RASGRF1: variants seen among roughly 807,000 people sequenced by gnomAD.
RASGRF1 encodes ras-specific guanine nucleotide-releasing factor 1.
Under a neutral mutation model 138.7 loss-of-function variants are expected in RASGRF1, and 40 were observed. That is an observed-to-expected ratio of 0.29 (90% CI 0.22 to 0.38). The LOEUF is 0.38. Among genes scored for constraint, RASGRF1 ranks in the 10% least tolerant of loss-of-function variants. The pLI is 1.00. For synonymous variants in RASGRF1, 614 were observed against 663.2 expected, an observed-to-expected ratio of 0.93 and a Z score of 1.14; for missense variants, 1,108 against 1,650.4, an observed-to-expected ratio of 0.67 and a Z score of 5.69.
chr15:78,972,249 C>G (rs898255074), intron 25 of RASGRF1, among the ~76,000 whole-genome samples: 4 of 152,020 alleles, frequency 2.6e-5, no homozygotes, highest in Non-Finnish European at 5.9e-5. Flanking sequence ...GTGCATGCCA[C>G]CACGCCCGGC....
chr15:79,023,723 G>A (rs1399891332), intron 10 of RASGRF1, among the ~76,000 whole-genome samples: 6 of 152,148 alleles, frequency 3.9e-5, no homozygotes, highest in Non-Finnish European at 8.8e-5. Context: ...GGGCCGCAAG[G>A]TCCTGAGGCT....
At chr15:78,975,046 T>C (rs1318789442) in intron 24 of RASGRF1, among the ~76,000 whole-genome samples, 1 of 152,208 alleles carries the variant, frequency 6.6e-6, no homozygotes, top group African/African-American at 2.4e-5. Flanking sequence ...GCTGACCCTT[T>C]CATGGGTGTT....
chr15:79,004,063 T>C lies in RASGRF1; in HGVS notation c.2188A>G (p.Thr730Ala), dbSNP rs199930657. The C allele has an allele frequency of 1.3e-4, 210 of 1,613,790 alleles. 1 individual carries two copies. Among genetic ancestry groups the C allele is most frequent in the Non-Finnish European group, 7.7e-5 (91 of 1,179,986 alleles). ...CGGCGGCTCGGTGACGATGTCTTGGTGATGGACAGAGGTGGCGGCGAGGAG... is the reference window on the plus strand; with the variant it reads ...CGGCGGCTCGGTGACGATGTCTTGGCGATGGACAGAGGTGGCGGCGAGGAG... The part of the protein sequence containing the change: ...KFSSPPPLSI[T>A]KTSSPSRRRK... The change falls in exon 15 of 27, where the codon ACC (threonine) becomes GCC (alanine). Residue 730 changes from threonine to alanine, a missense_variant. By Grantham distance (58) the Thr-to-Ala change is moderately conservative. Transcript: ENST00000558480.
At chr15:79,014,925 A>C (rs564632669) in intron 13 of RASGRF1, among the ~76,000 whole-genome samples, 7 of 24,042 alleles carry the variant, frequency 2.9e-4, no homozygotes, top group African/African-American at 4.1e-4. Flanking sequence ...TCAAAAAAAC[A>C]AAAAACAAAA....
chr15:79,059,487 TCA>T (rs538800334), intron 2 of RASGRF1, among the ~76,000 whole-genome samples: 44 of 150,698 alleles, frequency 2.9e-4, no homozygotes, highest in Admixed American at 1.3e-3. Flanking sequence ...CTTTACAGAC[TCA>T]CAGACTCTCA....
At chr15:78,962,306 T>A in intron 26 of RASGRF1, 70 bp from the exon 27 acceptor site, 1 of 1,143,416 alleles carries the variant, frequency 8.7e-7, no homozygotes, top group Non-Finnish European at 1.3e-6. Context: ...GTGGATGCAC[T>A]TTATCTCCTA....
Position 79,032,559 on chromosome 15 carries a change from C to G in RASGRF1, c.959-243G>C, listed in dbSNP as rs958105523. 1.3e-5 allele frequency among the ~76,000 whole-genome samples: 2 copies of G among 152,184 alleles called. No homozygotes were observed. The highest frequency in any genetic ancestry group is 4.8e-5 in the African/African-American group (2 of 41,444). ...GACTCTTAGAGACGTGGGGCCCTGT[C>G]TAGTCGACACTTGTGATGGGAGTGT... is the stretch of plus-strand genomic sequence containing the variant. On this transcript the variant is annotated intron_variant, in intron 6 of 26. Transcript: ENST00000558480. This position sits in a 1 kb window ranked among gnomAD's most constrained non-coding sequence, Gnocchi z 4.5.
At position 78,998,668 on chromosome 15, in the gene RASGRF1, G is replaced by T. The variant is rs1486687034; in HGVS notation, c.2853+51C>A. On this transcript the variant is annotated intron_variant, in intron 18 of 26. Coordinates refer to ENST00000558480, the MANE Select transcript of RASGRF1 (RefSeq NM_001145648.3). ...TTTTGGAAGGCAGCTGGTTCCTGGG[G>T]CCATTGCCTGGTGGTCCCCAGCAGC... 2.1e-6 allele frequency: 3 copies of T among 1,458,216 alleles called. No individual in the cohort carries two copies. In the African/African-American group the frequency reaches 4.2e-5, roughly 20 times the overall value. 90.3% of individuals were successfully genotyped at this position (1,458,216 alleles called of 1,614,324 possible). A position where few individuals can be genotyped will look rare whatever the true frequency, so the allele number is the denominator to read the frequency against.
At chr15:79,009,020 C>G (rs2056741366) in intron 13 of RASGRF1, among the ~76,000 whole-genome samples, 1 of 152,174 alleles carries the variant, frequency 6.6e-6, no homozygotes, top group African/African-American at 2.4e-5. Context: ...CCTCTGTCAT[C>G]TCTAACCAGA....
intron 5 of RASGRF1, among the ~76,000 whole-genome samples, chr15:79,042,407 A>ACT (rs2057308333): frequency 6.6e-6 from 1 of 152,240 alleles, no homozygotes; most frequent in Non-Finnish European, 1.5e-5. Context: ...GGTCTGAGGC[A>ACT]GGGAGAGCAG....
rs2057412674 is a variant in RASGRF1 at position 79,050,290 on chromosome 15, G to A, written c.532-702C>T. Among the ~76,000 whole-genome samples the A allele has an allele frequency of 1.3e-5, 2 of 152,190 alleles. No homozygotes were observed. The highest frequency in any genetic ancestry group is 6.5e-5 in the Admixed American group (1 of 15,282). ...ACCGGCTTATTTCATGGTGCATAAT[G>A]TCCTCAAGTTTCTTCCATGTTGCAG... On this transcript the variant is annotated intron_variant, in intron 3 of 26. Coordinates refer to ENST00000558480, the MANE Select transcript of RASGRF1 (RefSeq NM_001145648.3). The surrounding 1 kb of genome is among the most constrained non-coding windows in gnomAD (Gnocchi z 4.1).
chr15:78,991,580 G>T, intron 21 of RASGRF1, 111 bp downstream of exon 21: 1 of 822,556 alleles, frequency 1.2e-6, no homozygotes. Flanking sequence ...ATTGTTTCAA[G>T]CTGTGGAGGG....
intron 1 of RASGRF1, among the ~76,000 whole-genome samples, chr15:79,069,695 G>C (rs1330118787): frequency 6.6e-6 from 1 of 152,194 alleles, no homozygotes; most frequent in Non-Finnish European, 1.5e-5. Flanking sequence ...AGTAAGGGAA[G>C]TCAAAGATTT....
rs113957070 is a variant in RASGRF1, at chr15:79,025,392, G to A, written c.1464C>T (p.Gly488=). 71 of 1,613,838 alleles carry A rather than the reference G, an allele frequency of 4.4e-5. No individual in the cohort carries two copies. Among genetic ancestry groups the A allele is most frequent in the Non-Finnish European group, 5.4e-5 (64 of 1,179,934 alleles). The change falls in exon 10 of 27, where the codon GGC becomes GGT. Residue 488 remains glycine (G), a synonymous_variant. Transcript: ENST00000558480. ...RLGSLSLKKE[G]ERQCFLFSKH... ...TAGAAAACAGGAAGCACTGTCGCTC[G>A]CCCTCTTTCTTTAGGGAGAGAGACC...
At chr15:78,998,385 G>A (rs1291588807) in intron 18 of RASGRF1, 177 bp from the exon 19 acceptor site, 3 of 651,158 alleles carry the variant, frequency 4.6e-6, no homozygotes, top group South Asian at 1.8e-5. Context: ...CAGGCCTAGA[G>A]AATCTTAGAT....
rs370347186 is a variant in RASGRF1 at position 79,047,008 on chromosome 15, C to T, written c.625-9G>A. The T allele has an allele frequency of 6.2e-6, 10 of 1,606,750 alleles. No individual in the cohort carries two copies. The African/African-American group carries it at 9.4e-5, about 15-fold the overall frequency. On this transcript the variant is annotated splice_polypyrimidine_tract_variant and intron_variant, in intron 4 of 26. Transcript: ENST00000558480. ...CGCAGGAAGCTCTGCACCTGAGCAGCAAGACCGGTGGGGAGAGGCTCCTGT... is the reference window on the plus strand; with the variant it reads ...CGCAGGAAGCTCTGCACCTGAGCAGTAAGACCGGTGGGGAGAGGCTCCTGT...
rs1200854816 is a variant in RASGRF1 at position 79,003,917 on chromosome 15, C to T, written c.2334G>A (p.Lys778=). The T allele has an allele frequency of 8.7e-6, 14 of 1,614,190 alleles. No individual in the cohort carries two copies. Among genetic ancestry groups the T allele is most frequent in the Non-Finnish European group, 1.2e-5 (14 of 1,180,040 alleles). ...SMYSAMSPFS[K]ATLDTSKLYV... is the part of the protein sequence containing the mutation. ...AGAGCTTGCTGGTGTCCAGCGTGGCCTTGCTGAAGGGTGACATGGCCGAGT... is the reference window on the plus strand; with the variant it reads ...AGAGCTTGCTGGTGTCCAGCGTGGCTTTGCTGAAGGGTGACATGGCCGAGT... The change falls in exon 15 of 27, where the codon AAG becomes AAA. Residue 778 remains lysine, a synonymous_variant. Coordinates refer to ENST00000558480, the MANE Select transcript of RASGRF1 (RefSeq NM_001145648.3).
At chr15:78,983,862 G>A (rs779272830) in intron 23 of RASGRF1, among the ~76,000 whole-genome samples, 6 of 152,224 alleles carry the variant, frequency 3.9e-5, no homozygotes, top group Non-Finnish European at 7.3e-5. Context: ...CCTAAGCCTG[G>A]CATCTCTGTG....
intron 20 of RASGRF1, among the ~76,000 whole-genome samples, chr15:78,994,537 C>T (rs1440288093): frequency 1.3e-5 from 2 of 152,216 alleles, no homozygotes; most frequent in African/African-American, 4.8e-5. Context: ...GTGAGCCTGT[C>T]TTGAGTATCC....
Sources: gnomAD v4.1 joint callset for allele counts (sites outside exome capture counted in the v4.1 genomes callset) on GRCh38, gnomAD v4.1.1 for gene constraint, Gnocchi (gnomAD v3.1) non-coding constraint, MANE v1.5 for transcripts, NCBI Gene and HGNC (gene_info 2026-07-23, HGNC 2026-07-21) for gene names.